MKI67: variants seen among roughly 807,000 people sequenced by gnomAD.
MKI67 encodes marker of proliferation Ki-67.
Under a neutral mutation model 233.5 loss-of-function variants are expected in MKI67, and 152 were observed. That is an observed-to-expected ratio of 0.65 (90% confidence interval 0.57 to 0.74). The LOEUF (loss-of-function observed/expected upper bound fraction) is 0.74, where lower values mean the gene tolerates loss of function less well. Among genes scored for constraint, MKI67 ranks in the 30% least tolerant of loss-of-function variants. The pLI is 0.00. For synonymous variants in MKI67, 1,465 were observed against 1,418.5 expected (o/e 1.03, Z -0.74); for missense variants, 3,940 against 3,885.2 (o/e 1.01, Z -0.37).
At position 128,110,495 on chromosome 10, in the gene MKI67, G is replaced by A; in HGVS notation, c.2299C>T (p.Pro767Ser). Residue 767 changes from proline (P) to serine (S), a missense_variant, in exon 12 of 15, where the codon CCG becomes TCG. By Grantham distance (74) the Pro-to-Ser change is moderately conservative. Coordinates refer to ENST00000368654, the MANE Select transcript of MKI67 (RefSeq NM_002417.5). ...ATGTGACATGTGCTTGTCAACTGCGGTTGCTCCTTCACTGGGGTCTTGAAC... is the reference window on the plus strand; with the variant it reads ...ATGTGACATGTGCTTGTCAACTGCGATTGCTCCTTCACTGGGGTCTTGAAC... ...EMFKTPVKEQ[P>S]QLTSTCHIAI... is the part of the protein sequence containing the mutation. 1 of 1,570,598 alleles carries A rather than the reference G, an allele frequency of 6.4e-7. No homozygotes were observed. The highest frequency in any genetic ancestry group is 8.7e-7 in the Non-Finnish European group (1 of 1,146,928).
Position 128,126,000 on chromosome 10 carries a change from C to A in MKI67, c.-90+99G>T. The A allele has an allele frequency of 2.8e-6, 1 of 362,056 alleles. No individual in the cohort carries two copies. Among genetic ancestry groups the A allele is most frequent in the South Asian group, 2.4e-5 (1 of 41,726 alleles). The allele number at this position is 362,056 out of a possible 1,614,324, so 22.4% of individuals were successfully genotyped here. A position where few individuals can be genotyped will look rare whatever the true frequency, so the allele number is the denominator to read the frequency against. ...AGCCCAGGAGGAGTCGGGCCCAGGCCGCGCGTCTGTCCCCTGCCCGTCCCC... is the reference window on the plus strand; with the variant it reads ...AGCCCAGGAGGAGTCGGGCCCAGGCAGCGCGTCTGTCCCCTGCCCGTCCCC... On this transcript the variant is annotated intron_variant, in intron 1 of 14. Coordinates refer to ENST00000368654, the MANE Select transcript of MKI67 (RefSeq NM_002417.5). The surrounding 1 kb of genome is among the most constrained non-coding windows in gnomAD (Gnocchi z 5.3).
In MKI67 at chr10:128,125,820, A is replaced by G. The variant is rs2136154500; in HGVS notation, c.-89-64T>C. On this transcript the variant is annotated intron_variant, in intron 1 of 14. Transcript: ENST00000368654. The surrounding 1 kb of genome is among the most constrained non-coding windows in gnomAD (Gnocchi z 5.3). The stretch of plus-strand genomic sequence containing the variant: ...CTAAGAAGGGCCCCGTGCCCAATTC[A>G]CCTATCCCCGGCCACAGAAGCGCAC... The G allele has an allele frequency of 2.9e-6, 2 of 699,084 alleles. No individual in the cohort carries two copies. The highest frequency in any genetic ancestry group is 3.1e-5 in the South Asian group (2 of 64,018). 43.3% of individuals were successfully genotyped at this position (699,084 alleles called of 1,614,324 possible).
rs1283741130 is a variant in MKI67 at position 128,115,182 on chromosome 10, G to C, written c.1226C>G (p.Ala409Gly). 6.2e-7 allele frequency: 1 copy of C among 1,614,112 alleles called. No individual in the cohort carries two copies. The highest frequency in any genetic ancestry group is 1.3e-5 in the African/African-American group (1 of 74,944). ...ATTTTCTGGCTTAGTGGCAGAGTCA[G>C]CTGCATCTTCAACTTTAGCTGGTGT... ...NRTPAKVEDAADSATKPENLS... is the reference protein window; with the variant it reads ...NRTPAKVEDAGDSATKPENLS... Residue 409 changes from alanine to glycine, a missense_variant, in exon 7 of 15, where the codon GCT becomes GGT. Ala to Gly is a moderately conservative substitution (Grantham distance 60). Coordinates refer to ENST00000368654, the MANE Select transcript of MKI67 (RefSeq NM_002417.5).
In MKI67 at chr10:128,103,295, C is replaced by G. The variant is rs1852385731; in HGVS notation, c.8545G>C (p.Val2849Leu). The G allele has an allele frequency of 1.9e-6, 3 of 1,614,168 alleles. No homozygotes were observed. The highest frequency in any genetic ancestry group is 2.5e-6 in the Non-Finnish European group (3 of 1,180,030). ...KRRPRTRAQK[V>L]EVKEELLAVG... ...GCTAACAGCTCCTCCTTCACTTCTACTTTCTGGGCACGTGTCCTGGGCCGT... is the reference window on the plus strand; with the variant it reads ...GCTAACAGCTCCTCCTTCACTTCTAGTTTCTGGGCACGTGTCCTGGGCCGT... The change falls in exon 13 of 15, where the codon GTA becomes CTA. Residue 2849 changes from valine to leucine, a missense_variant. Coordinates refer to ENST00000368654, the MANE Select transcript of MKI67 (RefSeq NM_002417.5).
At position 128,125,674 on chromosome 10, in the gene MKI67, A is replaced by C. The variant is rs374979690; in HGVS notation, c.-7T>G. 3.1e-6 allele frequency: 5 copies of C among 1,612,920 alleles called. No homozygotes were observed. The African/African-American group carries it at 6.7e-5, about 22-fold the overall frequency. On this transcript the variant is annotated 5_prime_UTR_variant, in exon 2 of 15. Transcript: ENST00000368654. The surrounding 1 kb of genome is among the most constrained non-coding windows in gnomAD (Gnocchi z 5.3). Reference sequence around the variant, plus strand: ...GGCGTCTCGTGGGCCACATTTTCTAAACAGTAAGTTGAGTATAATCCGTAG... The same window carrying C: ...GGCGTCTCGTGGGCCACATTTTCTACACAGTAAGTTGAGTATAATCCGTAG...
rs1393393637 is a variant in MKI67, at chr10:128,122,951, C to T, written c.217G>A (p.Gly73Arg). 6.2e-7 allele frequency: 1 copy of T among 1,609,294 alleles called. No homozygotes were observed. Among genetic ancestry groups the T allele is most frequent in the Non-Finnish European group, 8.5e-7 (1 of 1,176,402 alleles). ...FSSTNPTQVN[G>R]SVIDEPVRLK... Reference sequence around the variant, plus strand: ...CGTACAGGCTCATCAATAACAGACCCATTTACTTGTGTTGGATTTGTGGAA... The same window carrying T: ...CGTACAGGCTCATCAATAACAGACCTATTTACTTGTGTTGGATTTGTGGAA... The change falls in exon 4 of 15, where the codon GGG becomes AGG. Residue 73 changes from glycine to arginine, a missense_variant. Coordinates refer to ENST00000368654, the MANE Select transcript of MKI67 (RefSeq NM_002417.5).
In MKI67 at chr10:128,125,446, G is replaced by C; in HGVS notation, c.92+130C>G. 2.7e-6 allele frequency: 2 copies of C among 740,988 alleles called. No homozygotes were observed. The highest frequency in any genetic ancestry group is 2.3e-5 in the Admixed American group (1 of 44,312). The allele number at this position is 740,988 out of a possible 1,614,324, so 45.9% of individuals were successfully genotyped here. On this transcript the variant is annotated intron_variant, in intron 2 of 14. Coordinates refer to ENST00000368654, the MANE Select transcript of MKI67 (RefSeq NM_002417.5). This position sits in a 1 kb window ranked among gnomAD's most constrained non-coding sequence, Gnocchi z 5.3. ...AACACAACTATGTCAACTTAGTAAC[G>C]AATGGGAGAAGCACCAAGGAAAAGT...
At position 128,102,593 on chromosome 10, in the gene MKI67, C is replaced by T; in HGVS notation, c.9247G>A (p.Val3083Ile). ...CTTCCTCTCACCTTATTTTCAGGGA[C>T]CGAGTCTTGTAATTTGTGTTCCTCT... ...NKEEHKLQDS[V>I]PENKGISLRS... is the part of the protein sequence containing the mutation. The change falls in exon 13 of 15, where the codon GTC becomes ATC. Residue 3083 changes from valine to isoleucine, a missense_variant. Coordinates refer to ENST00000368654, the MANE Select transcript of MKI67 (RefSeq NM_002417.5). The T allele has an allele frequency of 6.2e-7, 1 of 1,613,448 alleles. No homozygotes were observed. Among genetic ancestry groups the T allele is most frequent in the East Asian group, 2.2e-5 (1 of 44,872 alleles).
intron 13 of MKI67, among the ~76,000 whole-genome samples, chr10:128,101,983 T>C (rs1852347374): frequency 6.6e-6 from 1 of 152,244 alleles, no homozygotes; most frequent in Non-Finnish European, 1.5e-5. Flanking sequence ...ATCTAATTTT[T>C]ACAGTTTACA....
Position 128,102,576 on chromosome 10 carries a change from C to T in MKI67, c.9261+3G>A. 4 of 1,612,032 alleles carry T rather than the reference C, an allele frequency of 2.5e-6. No individual in the cohort carries two copies. Among genetic ancestry groups the T allele is most frequent in the Non-Finnish European group, 3.4e-6 (4 of 1,178,754 alleles). On this transcript the variant is annotated splice_donor_region_variant and intron_variant, in intron 13 of 14. Coordinates refer to ENST00000368654, the MANE Select transcript of MKI67 (RefSeq NM_002417.5). ...TGAGTGATGCTGTAATACTTCCTCT[C>T]ACCTTATTTTCAGGGACCGAGTCTT...
chr10:128,099,011 C>T lies in MKI67; in HGVS notation c.*179G>A. ...TTCAACTATTCTCAGTCCAGGAGCC[C>T]AGCAGTGCTCCCAGTGGAGTTTATG... On this transcript the variant is annotated 3_prime_UTR_variant, in exon 15 of 15. Transcript: ENST00000368654. The T allele has an allele frequency of 1.9e-6, 1 of 523,060 alleles. No homozygotes were observed. Among genetic ancestry groups the T allele is most frequent in the Non-Finnish European group, 3.4e-6 (1 of 297,144 alleles). The allele number at this position is 523,060 out of a possible 1,614,324, so 32.4% of individuals were successfully genotyped here.
chr10:128,104,023 G>T lies in MKI67; in HGVS notation c.7817C>A (p.Thr2606Lys). ...CTCTTTTACTTCTTTCCTGGGACGT[G>T]TCTTGGGGCATCTCTTTGTGCTCGT... ...TATSTKRCPK[T>K]RPRKEVKEEL... Residue 2606 changes from threonine (T) to lysine (K), a missense_variant, in exon 13 of 15, where the codon ACA (threonine) becomes AAA (lysine). Thr to Lys is a moderately conservative substitution (Grantham distance 78, BLOSUM62 -1). Transcript: ENST00000368654. The T allele has an allele frequency of 6.2e-7, 1 of 1,614,064 alleles. No homozygotes were observed. Among genetic ancestry groups the T allele is most frequent in the Non-Finnish European group, 8.5e-7 (1 of 1,180,016 alleles).
chr10:128,103,323 C>G lies in MKI67; in HGVS notation c.8517G>C (p.Lys2839Asn). 1 of 1,614,156 alleles carries G rather than the reference C, an allele frequency of 6.2e-7. No individual in the cohort carries two copies. Among genetic ancestry groups the G allele is most frequent in the Non-Finnish European group, 8.5e-7 (1 of 1,180,022 alleles). The change falls in exon 13 of 15, where the codon AAG becomes AAC. Residue 2839 changes from lysine to asparagine, a missense_variant. Transcript: ENST00000368654. ...PELEDTATSSKRRPRTRAQKV... is the reference protein window; with the variant it reads ...PELEDTATSSNRRPRTRAQKV... ...TCTGGGCACGTGTCCTGGGCCGTCT[C>G]TTTGAGCTTGTTGCGGTGTCTTCTA...
chr10:128,101,545 C>A lies in MKI67; in HGVS notation c.9418G>T (p.Ala3140Ser). 6.2e-7 allele frequency: 1 copy of A among 1,614,226 alleles called. No individual in the cohort carries two copies. The highest frequency in any genetic ancestry group is 8.5e-7 in the Non-Finnish European group (1 of 1,180,038). Residue 3140 changes from alanine to serine, a missense_variant, in exon 14 of 15, where the codon GCC (alanine) becomes TCC (serine). Physicochemically the swap from Ala to Ser is moderately conservative, Grantham distance 99. Transcript: ENST00000368654. ...EMDIQNPDDGARKPIPRDKVT... is the reference protein window; with the variant it reads ...EMDIQNPDDGSRKPIPRDKVT... ...TTGTCTCTAGGTATGGGTTTCCGGG[C>A]TCCATCATCTGGATTCTGAATGTCC...
At position 128,109,188 on chromosome 10, in the gene MKI67, T is replaced by C; in HGVS notation, c.2652A>G (p.Ile884Met). The C allele has an allele frequency of 6.2e-7, 1 of 1,614,222 alleles. No individual in the cohort carries two copies. The highest frequency in any genetic ancestry group is 1.3e-5 in the African/African-American group (1 of 75,066). ...TCTTACTTTCCACAGGTAGCTTCTG[T>C]ATATTCCTGAACTCTGTAGACCTTC... Reference protein sequence around the residue: ...RSGRSTEFRNIQKLPVESKSE... With the variant: ...RSGRSTEFRNMQKLPVESKSE... The change falls in exon 13 of 15, where the codon ATA (isoleucine) becomes ATG (methionine). Residue 884 changes from isoleucine (I) to methionine (M), a missense_variant. Physicochemically the swap from Ile to Met is conservative, Grantham distance 10. Transcript: ENST00000368654.
Position 128,115,601 on chromosome 10 carries a change from A to T in MKI67, c.807T>A (p.Asp269Glu). 1 of 1,614,202 alleles carries T rather than the reference A, an allele frequency of 6.2e-7. No individual in the cohort carries two copies. The highest frequency in any genetic ancestry group is 8.5e-7 in the Non-Finnish European group (1 of 1,180,040). ...CAGCACTTTCTTTCTCTGTTGCGTA[A>T]TCAGTTTGTAATCCAGATTTTCTAC... Reference protein sequence around the residue: ...QYCRKSGLQTDYATEKESADG... With the variant: ...QYCRKSGLQTEYATEKESADG... Residue 269 changes from aspartate (D) to glutamate (E), a missense_variant, in exon 7 of 15, where the codon GAT becomes GAA. Coordinates refer to ENST00000368654, the MANE Select transcript of MKI67 (RefSeq NM_002417.5).
rs1436222670 is a variant in MKI67 at position 128,102,861 on chromosome 10, T to C, written c.8979A>G (p.Pro2993=). The change falls in exon 13 of 15, where the codon CCA becomes CCG. Residue 2993 remains proline (P), a synonymous_variant. Transcript: ENST00000368654. The part of the protein sequence containing the change: ...SQSKSNTSLP[P]LPFKRGGGKD... ...TGCCACCTCCCCTCTTGAAGGGCAG[T>C]GGGGGCAGGGAAGTGTTGCTTTTGC... is the stretch of plus-strand genomic sequence containing the variant. The C allele has an allele frequency of 1.2e-6, 2 of 1,614,120 alleles. No homozygotes were observed. Among genetic ancestry groups the C allele is most frequent in the Non-Finnish European group, 1.7e-6 (2 of 1,180,002 alleles).
rs924380442 is a variant in MKI67 at position 128,125,336 on chromosome 10, G to C, written c.92+240C>G. 1.3e-5 allele frequency among the ~76,000 whole-genome samples: 2 copies of C among 152,088 alleles called. No individual in the cohort carries two copies. Among genetic ancestry groups the C allele is most frequent in the Non-Finnish European group, 2.9e-5 (2 of 68,002 alleles). On this transcript the variant is annotated intron_variant, in intron 2 of 14. Transcript: ENST00000368654. The surrounding 1 kb of genome is among the most constrained non-coding windows in gnomAD (Gnocchi z 5.3). Reference sequence around the variant, plus strand: ...TACATCTTTCTTTACCGCAACATTAGCAAATCGATTTTTTTAATTGGCTTG... The same window carrying C: ...TACATCTTTCTTTACCGCAACATTACCAAATCGATTTTTTTAATTGGCTTG...
rs1056564016 is a variant in MKI67, at chr10:128,125,347, T to C, written c.92+229A>G. ...TTACCGCAACATTAGCAAATCGATTTTTTTAATTGGCTTGATTTTTAAAAC... is the reference window on the plus strand; with the variant it reads ...TTACCGCAACATTAGCAAATCGATTCTTTTAATTGGCTTGATTTTTAAAAC... On this transcript the variant is annotated intron_variant, in intron 2 of 14. Transcript: ENST00000368654. This position sits in a 1 kb window ranked among gnomAD's most constrained non-coding sequence, Gnocchi z 5.3. Among the ~76,000 whole-genome samples, 3 of 152,184 alleles carry C rather than the reference T, an allele frequency of 2.0e-5. No individual in the cohort carries two copies. The highest frequency in any genetic ancestry group is 7.2e-5 in the African/African-American group (3 of 41,452).
Sources: allele counts gnomAD v4.1 joint callset (sites outside exome capture counted in the v4.1 genomes callset), GRCh38; gene constraint gnomAD v4.1.1; non-coding constraint Gnocchi (gnomAD v3.1); transcripts MANE v1.5; gene names NCBI Gene and HGNC (gene_info 2026-07-23, HGNC 2026-07-21).